NR3C2: variants seen among roughly 807,000 people sequenced by gnomAD.
NR3C2 encodes nuclear receptor subfamily 3 group C member 2, also known as mineralocorticoid receptor.
A neutral mutation model predicts 86.4 loss-of-function variants in NR3C2; 15 were observed. That is an observed-to-expected ratio of 0.17 (90% CI 0.12 to 0.27). NR3C2 has a LOEUF of 0.27. Among genes scored for constraint, NR3C2 ranks in the 10% least tolerant of loss-of-function variants. The pLI is 1.00. For synonymous variants in NR3C2, 458 were observed against 450.5 expected (o/e 1.02, Z -0.21); for missense variants, 960 against 1,195.6 (o/e 0.80, Z 2.91).
chr4:148,244,566 A>G (rs1212884058), intron 3 of NR3C2, among the ~76,000 whole-genome samples: 1 of 152,184 alleles, frequency 6.6e-6, no homozygotes, highest in Non-Finnish European at 1.5e-5. Context: ...GTGCATAAGG[A>G]AAGGGAGATG....
At chr4:148,409,463 A>T (rs1366875713) in intron 2 of NR3C2, among the ~76,000 whole-genome samples, 1 of 152,088 alleles carries the variant, frequency 6.6e-6, no homozygotes, top group Non-Finnish European at 1.5e-5. Flanking sequence ...CATCCACTAG[A>T]CTTAGGCCTT....
At chr4:148,135,786 G>C (rs901929046) in intron 6 of NR3C2, among the ~76,000 whole-genome samples, 1 of 151,972 alleles carries the variant, frequency 6.6e-6, no homozygotes, top group African/African-American at 2.4e-5. Context: ...GCCGGGCGCG[G>C]TGGCTCACGC....
intron 4 of NR3C2, among the ~76,000 whole-genome samples, chr4:148,157,531 G>A (rs1256293132): frequency 1.3e-5 from 2 of 152,050 alleles, no homozygotes; most frequent in Non-Finnish European, 2.9e-5. Flanking sequence ...TACTTCATAT[G>A]CGAATATGAT....
intron 2 of NR3C2, among the ~76,000 whole-genome samples, chr4:148,413,420 TTAGAG>T (rs142246722): frequency 1.3e-3 from 202 of 152,058 alleles, no homozygotes; most frequent in African/African-American, 4.6e-3. Flanking sequence ...CTTCATGAAC[TTAGAG>T]TAGAGAGGGG....
chr4:148,204,446 A>C (rs1736898638), intron 3 of NR3C2, among the ~76,000 whole-genome samples: 1 of 152,190 alleles, frequency 6.6e-6, no homozygotes, highest in South Asian at 2.1e-4. Flanking sequence ...GTGCTTTACC[A>C]ATCATACCTA....
intron 2 of NR3C2, among the ~76,000 whole-genome samples, chr4:148,315,621 C>G (rs1469725623): frequency 6.6e-6 from 1 of 152,114 alleles, no homozygotes; most frequent in East Asian, 1.9e-4. Flanking sequence ...TCTAAAGAAA[C>G]AGAAGTATTT....
chr4:148,386,332 A>G (rs936916565), intron 2 of NR3C2, among the ~76,000 whole-genome samples: 4 of 152,286 alleles, frequency 2.6e-5, no homozygotes, highest in Admixed American at 2.6e-4. Flanking sequence ...GGCAAATCTC[A>G]AAAGGGTAAC....
rs576312193 is a variant in NR3C2, at chr4:148,374,864, A to G, written c.1757+60240T>C. 4.1e-4 allele frequency among the ~76,000 whole-genome samples: 62 copies of G among 152,336 alleles called. 1 individual carries two copies. The highest frequency in any genetic ancestry group is 3.4e-3 in the Middle Eastern group (1 of 294). On this transcript the variant is annotated intron_variant, in intron 2 of 8. Coordinates refer to ENST00000358102, the MANE Select transcript of NR3C2 (RefSeq NM_000901.5). ...CCCCCTGTATCTCCCAAAAAGACTG[A>G]CACAAAATCTGATTATAAACATAAC...
At chr4:148,326,842 CTAAA>C (rs1242447923) in intron 2 of NR3C2, among the ~76,000 whole-genome samples, 6 of 152,014 alleles carry the variant, frequency 3.9e-5, no homozygotes, top group African/African-American at 1.2e-4. Flanking sequence ...ATTCTCACAG[CTAAA>C]TATTTTTATT....
intron 4 of NR3C2, among the ~76,000 whole-genome samples, chr4:148,159,132 A>G (rs1734540486): frequency 6.6e-6 from 1 of 152,164 alleles, no homozygotes; most frequent in Admixed American, 6.5e-5. Flanking sequence ...AGCTCTTCAA[A>G]GTGGGTAATA....
chr4:148,209,065 G>A (rs1737149708), intron 3 of NR3C2, among the ~76,000 whole-genome samples: 1 of 151,894 alleles, frequency 6.6e-6, no homozygotes, highest in Admixed American at 6.6e-5. Context: ...CCAACATGGT[G>A]AAACCCAACC....
chr4:148,096,762 C>CA (rs1731294367), intron 8 of NR3C2, among the ~76,000 whole-genome samples: 1 of 152,162 alleles, frequency 6.6e-6, no homozygotes, highest in Non-Finnish European at 1.5e-5. Flanking sequence ...AATGCGGCCA[C>CA]ACTCATTCAT....
chr4:148,129,886 C>G (rs1732936944), intron 6 of NR3C2, among the ~76,000 whole-genome samples: 1 of 152,188 alleles, frequency 6.6e-6, no homozygotes, highest in Admixed American at 6.5e-5. Flanking sequence ...GTGTAAGCCA[C>G]CGCACCCAGC....
chr4:148,171,459 G>T (rs888462544), intron 4 of NR3C2, among the ~76,000 whole-genome samples: 5 of 152,202 alleles, frequency 3.3e-5, no homozygotes, highest in African/African-American at 1.2e-4. Context: ...GTTTTGTGGA[G>T]GACATTTTTT....
intron 6 of NR3C2, among the ~76,000 whole-genome samples, chr4:148,145,306 G>A (rs544583473): frequency 4.3e-4 from 66 of 152,288 alleles, no homozygotes; most frequent in African/African-American, 1.5e-3. Flanking sequence ...CCTCCGAAAT[G>A]CTGGCAGGCC....
intron 2 of NR3C2, among the ~76,000 whole-genome samples, chr4:148,369,344 A>C (rs1352317742): frequency 6.6e-6 from 1 of 152,216 alleles, no homozygotes; most frequent in Non-Finnish European, 1.5e-5. Flanking sequence ...AAATTACAAT[A>C]CCATTTCATA....
chr4:148,284,157 G>A (rs961668221), intron 2 of NR3C2, among the ~76,000 whole-genome samples: 1 of 152,130 alleles, frequency 6.6e-6, no homozygotes, highest in African/African-American at 2.4e-5. Context: ...GGGTTATGTA[G>A]AGCCTTATGT....
chr4:148,381,251 A>G (rs1014932122), intron 2 of NR3C2, among the ~76,000 whole-genome samples: 2 of 151,986 alleles, frequency 1.3e-5, no homozygotes, highest in Admixed American at 1.3e-4. Flanking sequence ...AAAAAGAGGA[A>G]GAACATTAGG....
intron 2 of NR3C2, among the ~76,000 whole-genome samples, chr4:148,276,845 C>T (rs1028607445): frequency 2.0e-5 from 3 of 152,172 alleles, no homozygotes; most frequent in Non-Finnish European, 2.9e-5. Flanking sequence ...TCCTTCATGG[C>T]TAATTTATAA....
Sources: allele counts gnomAD v4.1 joint callset (sites outside exome capture counted in the v4.1 genomes callset), GRCh38; gene constraint gnomAD v4.1.1; transcripts MANE v1.5; gene names NCBI Gene and HGNC (gene_info 2026-07-23, HGNC 2026-07-21).